MAMLD1: variants seen among roughly 807,000 people sequenced by gnomAD.
MAMLD1 encodes mastermind like domain containing 1, also known as mastermind-like domain-containing protein 1.
Under a neutral mutation model 45.0 loss-of-function variants are expected in MAMLD1, and 14 were observed. The ratio of observed to expected loss-of-function variants is 0.31; its 90% confidence interval spans 0.21 to 0.49. MAMLD1 has a LOEUF of 0.49. Among genes scored for constraint, MAMLD1 ranks in the 20% least tolerant of loss-of-function variants. The probability of loss-of-function intolerance (pLI) is 0.99; values close to 1 mark genes in which losing one functional copy is unlikely to be tolerated. For missense variants in MAMLD1, 543 were observed against 603.6 expected, an observed-to-expected ratio of 0.90 and a Z score of 1.05; for synonymous variants, 254 against 247.8, an observed-to-expected ratio of 1.02 and a Z score of -0.24.
intron 1 of MAMLD1, among the ~76,000 whole-genome samples, chrX:150,403,946 A>C: frequency 1.6e-4 from 11 of 67,553 alleles, no homozygotes; most frequent in South Asian, 6.4e-4. Context: ...AAAGAAAAGA[A>C]AGAAAGAAAG....
At chrX:150,420,470 C>T (rs1859252142) in intron 1 of MAMLD1, among the ~76,000 whole-genome samples, 2 of 111,415 alleles carry the variant, frequency 1.8e-5, no homozygotes, top group Middle Eastern at 4.7e-3. Context: ...AGCTTTGTTC[C>T]GTTGCTGGTG....
In MAMLD1 at chrX:150,510,139, G is replaced by T. The variant is rs782657205; in HGVS notation, c.*44+93G>T. The T allele has an allele frequency of 5.1e-5, 29 of 567,978 alleles. No individual in the cohort carries two copies. In the South Asian group the frequency reaches 8.1e-4, roughly 16 times the overall value. The allele number at this position is 567,978 out of a possible 1,213,427, so 46.8% of individuals were successfully genotyped here. On this transcript the variant is annotated intron_variant, in intron 7 of 7. Coordinates refer to ENST00000370401, the MANE Select transcript of MAMLD1 (RefSeq NM_005491.5). Reference sequence around the variant, plus strand: ...ATTCATTTCAGAGTAAGCAGTTACTGTGCTTCTGAAAGCATTGAGAAAGAG... The same window carrying T: ...ATTCATTTCAGAGTAAGCAGTTACTTTGCTTCTGAAAGCATTGAGAAAGAG...
intron 1 of MAMLD1, among the ~76,000 whole-genome samples, chrX:150,366,360 AATG>A (rs2031451968): frequency 8.0e-5 from 9 of 111,934 alleles, no homozygotes; most frequent in South Asian, 3.8e-4. Flanking sequence ...ACACATCCCA[AATG>A]CGCGCATACA....
intron 2 of MAMLD1, among the ~76,000 whole-genome samples, chrX:150,460,628 G>GAT (rs2124629122): frequency 9.0e-6 from 1 of 111,647 alleles, no homozygotes; most frequent in East Asian, 2.8e-4. Flanking sequence ...AGTAAGAAGA[G>GAT]ATATTGCTAC....
chrX:150,367,877 A>C (rs1418437414), intron 1 of MAMLD1, among the ~76,000 whole-genome samples: 5 of 111,666 alleles, frequency 4.5e-5, no homozygotes, highest in African/African-American at 6.5e-5. Context: ...TGTCCCTACA[A>C]AGGACATGAA....
chrX:150,512,112 C>G lies in MAMLD1; in HGVS notation c.*153C>G, dbSNP rs1557409146. On this transcript the variant is annotated 3_prime_UTR_variant, in exon 8 of 8. Transcript: ENST00000370401. ...GGGCTTCTTCAGAACAATCTGAGTC[C>G]AGGAATGATCCCACTCACCAGGCAC... 2 of 1,153,795 alleles carry G rather than the reference C, an allele frequency of 1.7e-6. No individual in the cohort carries two copies. The highest frequency in any genetic ancestry group is 2.3e-6 in the Non-Finnish European group (2 of 871,635).
Position 150,469,806 on chromosome X carries a change from G to A in MAMLD1, c.233G>A (p.Gly78Asp), listed in dbSNP as rs1557406220. Residue 78 changes from glycine (G) to aspartate (D), a missense_variant, in exon 4 of 8, where the codon GGC becomes GAC. Transcript: ENST00000370401. ...CAGTTTCCAGACATGGCTGATGGGG[G>A]CTACCCTAATAAAATTAAGAGGCCT... ...HFQFPDMADG[G>D]YPNKIKRPCL... 3 of 1,211,113 alleles carry A rather than the reference G, an allele frequency of 2.5e-6. No homozygotes were observed. In the South Asian group the frequency reaches 5.3e-5, roughly 21 times the overall value.
At chrX:150,401,726 T>C (rs2033775452) in intron 1 of MAMLD1, among the ~76,000 whole-genome samples, 1 of 111,570 alleles carries the variant, frequency 9.0e-6, no homozygotes, top group African/African-American at 3.3e-5. Context: ...AACGGAGATA[T>C]AGATCAATGG....
At chrX:150,443,518 A>G (rs2035390639) in intron 1 of MAMLD1, among the ~76,000 whole-genome samples, 1 of 101,684 alleles carries the variant, frequency 9.8e-6, no homozygotes, top group Admixed American at 1.1e-4. Context: ...TTAACTCGTC[A>G]TTTAGCATTA....
chrX:150,508,491 G>A (rs1557408962), intron 6 of MAMLD1, among the ~76,000 whole-genome samples: 1 of 112,013 alleles, frequency 8.9e-6, no homozygotes, highest in Non-Finnish European at 1.9e-5. Context: ...AGGACAGGAA[G>A]CAGGCTAAGG....
intron 1 of MAMLD1, among the ~76,000 whole-genome samples, chrX:150,398,320 GAA>G (rs2033570378): frequency 1.1e-4 from 10 of 94,892 alleles, no homozygotes; most frequent in South Asian, 9.6e-4. Flanking sequence ...AGAAGAAGAA[GAA>G]GAAGAAGAAG....
intron 1 of MAMLD1, among the ~76,000 whole-genome samples, chrX:150,401,639 C>T (rs148875822): frequency 0.029 from 3,249 of 111,398 alleles, 45 homozygotes; most frequent in East Asian, 0.092. Flanking sequence ...AAGAACAAAG[C>T]TGGAGACATC....
intron 1 of MAMLD1, among the ~76,000 whole-genome samples, chrX:150,443,857 C>A (rs965350506): frequency 2.7e-5 from 3 of 111,771 alleles, no homozygotes; most frequent in African/African-American, 9.7e-5. Flanking sequence ...CCTTGTCAGG[C>A]AGTTCTGACA....
chrX:150,451,512 G>T (rs1236574469), intron 2 of MAMLD1, among the ~76,000 whole-genome samples: 2 of 111,583 alleles, frequency 1.8e-5, no homozygotes, highest in African/African-American at 6.5e-5. Context: ...AAAGCCCAAT[G>T]TTTCTCTTTT....
At chrX:150,455,772 T>G (rs2035838889) in intron 2 of MAMLD1, among the ~76,000 whole-genome samples, 1 of 85,699 alleles carries the variant, frequency 1.2e-5, no homozygotes, top group Admixed American at 1.3e-4. Context: ...TTTCTTCTTC[T>G]TCTTCTTCTT....
At chrX:150,504,497 C>T in intron 6 of MAMLD1, 1 of 615,835 alleles carries the variant, frequency 1.6e-6, no homozygotes, top group Non-Finnish European at 1.9e-6. Flanking sequence ...CTATTGATTT[C>T]TCTCTCTCTC....
chrX:150,511,937 C>G, intron 7 of MAMLD1, 67 bp from the exon 8 acceptor site: 1 of 989,509 alleles, frequency 1.0e-6, no homozygotes, highest in Non-Finnish European at 1.3e-6. Context: ...AGCTACCCTC[C>G]GGTGGCCACA....
At chrX:150,430,026 T>TTC (rs1311212512) in intron 1 of MAMLD1, among the ~76,000 whole-genome samples, 1 of 76,109 alleles carries the variant, frequency 1.3e-5, no homozygotes, top group Non-Finnish European at 2.4e-5. Context: ...TTTCTTTTTT[T>TTC]TTTTTTTTTT....
intron 1 of MAMLD1, among the ~76,000 whole-genome samples, chrX:150,395,747 T>C (rs1258991880): frequency 9.0e-6 from 1 of 110,817 alleles, no homozygotes; most frequent in Non-Finnish European, 1.9e-5. Context: ...TATTTTATTA[T>C]GCTTTGAATG....
Sources: allele counts gnomAD v4.1 joint callset (sites outside exome capture counted in the v4.1 genomes callset), GRCh38; gene constraint gnomAD v4.1.1; transcripts MANE v1.5; gene names NCBI Gene and HGNC (gene_info 2026-07-23, HGNC 2026-07-21).